The following CLYBL variants were observed in gnomAD, a reference collection of about 807,000 sequenced individuals.
CLYBL encodes the protein citramalyl-CoA lyase.
CLYBL carries 31 observed loss-of-function variants against 38.9 expected under a neutral mutation model. That is an observed-to-expected ratio of 0.80 (90% CI 0.60 to 1.08). CLYBL has a LOEUF of 1.08. CLYBL is among the 50% of genes least tolerant of loss of function. The pLI, the probability that CLYBL is intolerant of heterozygous loss-of-function variation, is 0.00. For missense variants in CLYBL, 434 were observed against 411.6 expected, an observed-to-expected ratio of 1.05 and a Z score of -0.47; for synonymous variants, 171 against 158.6, an observed-to-expected ratio of 1.08 and a Z score of -0.59.
At chr13:99,768,068 A>T (rs1308099639) in intron 1 of CLYBL, among the ~76,000 whole-genome samples, 1 of 150,838 alleles carries the variant, frequency 6.6e-6, no homozygotes, top group Non-Finnish European at 1.5e-5. Context: ...TAGAAATCAG[A>T]TTCTCCCCCT....
At chr13:99,686,314 T>A (rs1407485671) in intron 1 of CLYBL, among the ~76,000 whole-genome samples, 1 of 152,166 alleles carries the variant, frequency 6.6e-6, no homozygotes, top group Non-Finnish European at 1.5e-5. Context: ...AGCCGGCAGC[T>A]CCTAGTGCTG....
intron 1 of CLYBL, among the ~76,000 whole-genome samples, chr13:99,757,842 A>T (rs1248005893): frequency 1.3e-5 from 2 of 152,242 alleles, no homozygotes; most frequent in Non-Finnish European, 1.5e-5. Context: ...GGACTCTGCC[A>T]TCAGCATATT....
chr13:99,722,417 CTT>C (rs5806134), intron 1 of CLYBL, among the ~76,000 whole-genome samples: 1 of 146,924 alleles, frequency 6.8e-6, no homozygotes. Context: ...CGCATGAAAC[CTT>C]TTTTTTTTTT....
chr13:99,701,469 G>T lies in CLYBL; in HGVS notation c.63-71355G>T, dbSNP rs1282441755. On this transcript the variant is annotated intron_variant, in intron 1 of 8. Coordinates refer to ENST00000339105, the MANE Select transcript of CLYBL (RefSeq NM_206808.5). ...TGGGACTACAGGCGCCTGCCACCAC[G>T]CCTGGCTAATTTTTTTGTATTTTTA... 2.0e-5 allele frequency among the ~76,000 whole-genome samples: 3 copies of T among 151,664 alleles called. No individual in the cohort carries two copies. The East Asian group carries it at 5.9e-4, about 30-fold the overall frequency.
chr13:99,787,632 G>A (rs1455876666), intron 2 of CLYBL, among the ~76,000 whole-genome samples: 7 of 152,228 alleles, frequency 4.6e-5, no homozygotes, highest in South Asian at 4.1e-4. Flanking sequence ...GTCAGGTAGC[G>A]TGATACCTCC....
At chr13:99,773,148 T>C (rs1202291021) in intron 2 of CLYBL, 138 bp downstream of exon 2, 1 of 703,516 alleles carries the variant, frequency 1.4e-6, no homozygotes, top group African/African-American at 1.8e-5. Context: ...TTGATCTGCT[T>C]TTATATAGGT....
chr13:99,771,955 TAA>T (rs1230179142), intron 1 of CLYBL, among the ~76,000 whole-genome samples: 1 of 152,184 alleles, frequency 6.6e-6, no homozygotes, highest in Non-Finnish European at 1.5e-5. Flanking sequence ...TACCAGTAAT[TAA>T]GTTGCCTACA....
intron 1 of CLYBL, among the ~76,000 whole-genome samples, chr13:99,767,026 T>G (rs537014496): frequency 6.6e-6 from 1 of 152,368 alleles, no homozygotes; most frequent in African/African-American, 2.4e-5. Context: ...CTTGCGATGC[T>G]TCCCATGGAT....
At chr13:99,766,377 T>C (rs971737280) in intron 1 of CLYBL, among the ~76,000 whole-genome samples, 3 of 152,186 alleles carry the variant, frequency 2.0e-5, no homozygotes, top group Non-Finnish European at 4.4e-5. Context: ...TTCTTTTTAT[T>C]ATTTCAACCT....
chr13:99,733,075 A>G (rs2048616615), intron 1 of CLYBL, among the ~76,000 whole-genome samples: 1 of 152,184 alleles, frequency 6.6e-6, no homozygotes, highest in Non-Finnish European at 1.5e-5. Context: ...GTTATGTGTC[A>G]AGTATAGTGC....
At chr13:99,854,466 G>A (rs753324347) in intron 2 of CLYBL, among the ~76,000 whole-genome samples, 24 of 151,524 alleles carry the variant, frequency 1.6e-4, no homozygotes, top group Non-Finnish European at 2.4e-4. Context: ...ATCCCTGGAA[G>A]TTTGGAACTA....
At chr13:99,720,043 T>C (rs1283039130) in intron 1 of CLYBL, among the ~76,000 whole-genome samples, 2 of 152,116 alleles carry the variant, frequency 1.3e-5, no homozygotes, top group Non-Finnish European at 2.9e-5. Flanking sequence ...CTATGCTGTT[T>C]ACTTACTGTA....
chr13:99,841,696 G>A lies in CLYBL; in HGVS notation c.250-17165G>A, dbSNP rs373882258. Among the ~76,000 whole-genome samples, 11 of 151,782 alleles carry A rather than the reference G, an allele frequency of 7.2e-5. No homozygotes were observed. The South Asian group carries it at 1.9e-3, about 26-fold the overall frequency. On this transcript the variant is annotated intron_variant, in intron 2 of 8. Transcript: ENST00000339105. ...ATCACAGGCGTGAGCCACTGCGCCC[G>A]GCCACACACATTACTTTAAGCTTTA...
At chr13:99,785,602 A>T (rs1431793678) in intron 2 of CLYBL, among the ~76,000 whole-genome samples, 5 of 143,528 alleles carry the variant, frequency 3.5e-5, no homozygotes, top group South Asian at 2.2e-4. Context: ...TAAATAATAC[A>T]TTTTTTTTTT....
intron 2 of CLYBL, among the ~76,000 whole-genome samples, chr13:99,838,117 A>G (rs2050982483): frequency 6.6e-6 from 1 of 152,184 alleles, no homozygotes; most frequent in Non-Finnish European, 1.5e-5. Flanking sequence ...AGATGTATTT[A>G]TAAAGGTAAA....
At chr13:99,656,117 T>G (rs1169429505) in intron 1 of CLYBL, among the ~76,000 whole-genome samples, 1 of 152,142 alleles carries the variant, frequency 6.6e-6, no homozygotes, top group East Asian at 1.9e-4. Flanking sequence ...CTTTGTTTTC[T>G]GAGGCTTTTT....
At chr13:99,897,295 C>T (rs781209840), downstream of CLYBL, among the ~76,000 whole-genome samples, 78 of 152,296 alleles carry the variant, frequency 5.1e-4, 1 homozygote, top group Admixed American at 1.6e-3. Flanking sequence ...GCCTTTCAAA[C>T]GTGCAGAGAG....
At chr13:99,712,966 T>G (rs1458066086) in intron 1 of CLYBL, among the ~76,000 whole-genome samples, 4 of 152,138 alleles carry the variant, frequency 2.6e-5, no homozygotes, top group Non-Finnish European at 1.5e-5. Flanking sequence ...GAAAAGAGGG[T>G]TCGTGAAAGT....
rs71121003 is a variant in CLYBL at position 99,754,087 on chromosome 13, CAAAAAAAAAAAAAAAA to C, written c.63-18724_63-18709del. Among the ~76,000 whole-genome samples the C allele has an allele frequency of 1.5e-4, 7 of 45,416 alleles. No individual in the cohort carries two copies. In the South Asian group the frequency reaches 2.0e-3, roughly 13 times the overall value. 29.8% of individuals were successfully genotyped at this position (45,416 alleles called of 152,430 possible). ...GGGCGACAAGAGCGAAACTCGGTCT[CAAAAAAAAAAAAAAAA>C]AAAAAAAAAAAAGTATTAGGACTTG... On this transcript the variant is annotated intron_variant, in intron 1 of 8. Transcript: ENST00000339105.
Sources: gnomAD v4.1 joint callset for allele counts (sites outside exome capture counted in the v4.1 genomes callset) on GRCh38, gnomAD v4.1.1 for gene constraint, MANE v1.5 for transcripts, NCBI Gene and HGNC (gene_info 2026-07-23, HGNC 2026-07-21) for gene names.